Variants in TANC1 observed in about 807,000 individuals in gnomAD.
The protein encoded by TANC1 is tetratricopeptide repeat, ankyrin repeat and coiled-coil containing 1.
TANC1 carries 77 observed loss-of-function variants against 149.7 expected under a neutral mutation model. The ratio of observed to expected loss-of-function variants is 0.51; its 90% CI spans 0.43 to 0.62. TANC1 has a LOEUF of 0.62. TANC1 is among the 20% of genes least tolerant of loss of function. The pLI is 0.00. For missense variants in TANC1, 1,985 were observed against 2,321.8 expected (o/e 0.85, Z 2.98); for synonymous variants, 854 against 925.0 (o/e 0.92, Z 1.39).
Position 159,163,563 on chromosome 2 carries a change from C to G in TANC1, c.946+17C>G. 2 of 1,603,764 alleles carry G rather than the reference C, an allele frequency of 1.2e-6. No individual in the cohort carries two copies. Among genetic ancestry groups the G allele is most frequent in the Non-Finnish European group, 1.7e-6 (2 of 1,173,950 alleles). Reference sequence around the variant, plus strand: ...CAGTTGCAGGTAAGGCCACACCTTTCCCTGGAAGGATTATCTCAGGGATAC... The same window carrying G: ...CAGTTGCAGGTAAGGCCACACCTTTGCCTGGAAGGATTATCTCAGGGATAC... On this transcript the variant is annotated intron_variant, in intron 8 of 26. Coordinates refer to ENST00000263635, the MANE Select transcript of TANC1 (RefSeq NM_033394.3).
At position 159,141,163 on chromosome 2, in the gene TANC1, T is replaced by G. The variant is rs183585324; in HGVS notation, c.364+4865T>G. On this transcript the variant is annotated intron_variant, in intron 5 of 26. Coordinates refer to ENST00000263635, the MANE Select transcript of TANC1 (RefSeq NM_033394.3). ...GATGGAAAGTCCAAGATCAAGGTAG[T>G]CTGCAGATTTGGGGTCTGGCAAAGG... Among the ~76,000 whole-genome samples, 839 of 152,340 alleles carry G rather than the reference T, an allele frequency of 5.5e-3. 4 individuals are homozygous for G. Among genetic ancestry groups the G allele is most frequent in the Non-Finnish European group, 9.2e-3 (626 of 68,036 alleles).
In TANC1 at chr2:159,185,756, T is replaced by C. The variant is rs773377859; in HGVS notation, c.2511-35T>C. On this transcript the variant is annotated intron_variant, in intron 14 of 26. Transcript: ENST00000263635. ...GGGTCTGCGGTGTGGTGGAATGGGC[T>C]CTTCTGCTGTGAGCCTTTGTATTCC... The C allele has an allele frequency of 8.1e-6, 12 of 1,485,002 alleles. No homozygotes were observed. In the African/African-American group the frequency reaches 1.2e-4, roughly 15 times the overall value. The allele number at this position is 1,485,002 out of a possible 1,614,324, so 92.0% of individuals were successfully genotyped here.
intron 5 of TANC1, among the ~76,000 whole-genome samples, chr2:159,138,649 T>A (rs2051037438): frequency 6.6e-6 from 1 of 152,230 alleles, no homozygotes; most frequent in African/African-American, 2.4e-5. Context: ...AGTTTTACTT[T>A]AAAATGTGGT....
intron 4 of TANC1, 145 bp from the exon 5 acceptor site, chr2:159,136,049 T>TGTGTGAGA: frequency 1.1e-5 from 1 of 90,882 alleles, no homozygotes; most frequent in Non-Finnish European, 2.1e-5. Flanking sequence ...TGTGTGTGTG[T>TGTGTGAGA]GCGCGCGCGC....
chr2:159,080,914 T>C (rs1574519868), intron 3 of TANC1, among the ~76,000 whole-genome samples: 1 of 152,084 alleles, frequency 6.6e-6, no homozygotes, highest in Admixed American at 6.5e-5. Flanking sequence ...GAGTGGTTGG[T>C]TGGTATGGTA....
intron 11 of TANC1, among the ~76,000 whole-genome samples, chr2:159,173,573 C>G (rs368224340): frequency 6.6e-6 from 1 of 152,128 alleles, no homozygotes; most frequent in Non-Finnish European, 1.5e-5. Context: ...CAACTGCACT[C>G]CAACCTGGGT....
chr2:159,078,242 T>A (rs1026271323), intron 3 of TANC1, among the ~76,000 whole-genome samples: 1 of 152,220 alleles, frequency 6.6e-6, no homozygotes, highest in Non-Finnish European at 1.5e-5. Context: ...TATGTCAGTA[T>A]TTGTCAAAAA....
In TANC1 at chr2:159,047,261, A is replaced by G. The variant is rs1574325722; in HGVS notation, c.-15-18635A>G. ...CACCCCACGCTTGTCTGCTTTTCCC[A>G]TTTTGGTCATTGGCACTACTTTCTA... is the stretch of plus-strand genomic sequence containing the variant. On this transcript the variant is annotated intron_variant, in intron 2 of 26. Transcript: ENST00000263635. Among the ~76,000 whole-genome samples, 5 of 143,592 alleles carry G rather than the reference A, an allele frequency of 3.5e-5. No individual in the cohort carries two copies. The East Asian group carries it at 6.1e-4, about 18-fold the overall frequency. The allele number at this position is 143,592 out of a possible 152,430, so 94.2% of individuals were successfully genotyped here.
At chr2:159,085,494 T>C (rs1283450646) in intron 3 of TANC1, among the ~76,000 whole-genome samples, 1 of 152,128 alleles carries the variant, frequency 6.6e-6, no homozygotes, top group African/African-American at 2.4e-5. Context: ...CAATGGGCAT[T>C]GTGTTAGTCC....
chr2:159,231,084 T>C lies in TANC1; in HGVS notation c.*72T>C. 7.9e-7 allele frequency: 1 copy of C among 1,264,620 alleles called. No homozygotes were observed. The highest frequency in any genetic ancestry group is 1.1e-6 in the Non-Finnish European group (1 of 921,212). The allele number at this position is 1,264,620 out of a possible 1,614,324, so 78.3% of individuals were successfully genotyped here. A position where few individuals can be genotyped will look rare whatever the true frequency, so the allele number is the denominator to read the frequency against. ...CCTGGTGGTAAATTAAATAGTTTTT[T>C]TCATCAGAAAAATTATTTTTTAGCC... On this transcript the variant is annotated 3_prime_UTR_variant, in exon 27 of 27. Coordinates refer to ENST00000263635, the MANE Select transcript of TANC1 (RefSeq NM_033394.3).
At chr2:159,122,885 T>G (rs1248971416) in intron 4 of TANC1, among the ~76,000 whole-genome samples, 1 of 152,126 alleles carries the variant, frequency 6.6e-6, no homozygotes, top group Non-Finnish European at 1.5e-5. Context: ...TTATATTTTG[T>G]TTTTTAAGTT....
chr2:159,165,273 C>T (rs2054474422), intron 8 of TANC1, among the ~76,000 whole-genome samples: 1 of 152,174 alleles, frequency 6.6e-6, no homozygotes, highest in Non-Finnish European at 1.5e-5. Flanking sequence ...GATTATAGAG[C>T]AGAGCTTTCT....
intron 9 of TANC1, among the ~76,000 whole-genome samples, chr2:159,170,187 C>T (rs1358226757): frequency 6.6e-6 from 1 of 152,130 alleles, no homozygotes; most frequent in Non-Finnish European, 1.5e-5. Context: ...AAATGCAGTT[C>T]CAGATGAACC....
In TANC1 at chr2:159,117,586, C is replaced by T. The variant is rs372163209; in HGVS notation, c.260-18608C>T. Among the ~76,000 whole-genome samples the T allele has an allele frequency of 3.8e-4, 58 of 151,902 alleles. 1 individual carries two copies. In the East Asian group the frequency reaches 0.011, roughly 28 times the overall value. The stretch of plus-strand genomic sequence containing the variant: ...AATTTTTTGTATTTTTTAATAGAGA[C>T]GGGGTTTCACCGTGTTGGCCAGGAT... On this transcript the variant is annotated intron_variant, in intron 4 of 26. Transcript: ENST00000263635.
chr2:159,130,027 G>A (rs1006447799), intron 4 of TANC1, among the ~76,000 whole-genome samples: 1 of 152,190 alleles, frequency 6.6e-6, no homozygotes, highest in Non-Finnish European at 1.5e-5. Context: ...GGCGGCAGCA[G>A]GATACCAGTA....
rs141105169 is a variant in TANC1, at chr2:159,119,751, T to G, written c.260-16443T>G. Among the ~76,000 whole-genome samples the G allele has an allele frequency of 4.9e-3, 752 of 152,276 alleles. 9 individuals are homozygous for G. The highest frequency in any genetic ancestry group is 0.017 in the African/African-American group (707 of 41,550). On this transcript the variant is annotated intron_variant, in intron 4 of 26. Coordinates refer to ENST00000263635, the MANE Select transcript of TANC1 (RefSeq NM_033394.3). ...AGGTGAGCTGCGGTCGTGGCTTATC[T>G]GGCCCCTCTCACTGATGTCACAGGT...
intron 5 of TANC1, among the ~76,000 whole-genome samples, chr2:159,143,988 G>A (rs772801695): frequency 6.6e-6 from 1 of 150,910 alleles, no homozygotes; most frequent in African/African-American, 2.4e-5. Flanking sequence ...TATGATAAAT[G>A]TCAATAGACA....
chr2:159,028,928 A>AT (rs1000080209), intron 2 of TANC1, among the ~76,000 whole-genome samples: 12 of 152,016 alleles, frequency 7.9e-5, no homozygotes, highest in African/African-American at 2.7e-4. Flanking sequence ...TAATTTGTAG[A>AT]TTTTTTTATA....
intron 23 of TANC1, chr2:159,224,594 G>A: frequency 2.0e-6 from 1 of 510,994 alleles, no homozygotes; most frequent in Non-Finnish European, 3.5e-6. Context: ...GGACAGTCTG[G>A]AGTGGTATCA....
Sources: allele counts gnomAD v4.1 joint callset (sites outside exome capture counted in the v4.1 genomes callset), GRCh38; gene constraint gnomAD v4.1.1; transcripts MANE v1.5; gene names NCBI Gene and HGNC (gene_info 2026-07-23, HGNC 2026-07-21).